The following GNL1 variants were observed in gnomAD, a reference collection of about 807,000 sequenced individuals.
GNL1 encodes the protein G protein nucleolar 1.
A neutral mutation model predicts 75.2 loss-of-function variants in GNL1; 21 were observed. The ratio of observed to expected loss-of-function variants is 0.28; its 90% CI spans 0.20 to 0.40. The LOEUF is 0.40. Ranked by LOEUF, GNL1 falls within the 10% of genes least tolerant of loss-of-function variation. The pLI is 1.00. For missense variants in GNL1, 579 were observed against 775.0 expected (o/e 0.75, Z 3.00); for synonymous variants, 287 against 303.4 (o/e 0.95, Z 0.56).
rs1799296793 is a variant in GNL1 at position 30,543,694 on chromosome 6, A to G, written c.*2378T>C. The G allele has an allele frequency of 6.6e-6, 1 of 152,144 alleles. No individual in the cohort carries two copies. The highest frequency in any genetic ancestry group is 1.5e-5 in the Non-Finnish European group (1 of 68,032). The allele number at this position is 152,144 out of a possible 1,614,324, so 9.4% of individuals were successfully genotyped here. On this transcript the variant is annotated 3_prime_UTR_variant, in exon 12 of 12. Transcript: ENST00000376621. Reference sequence around the variant, plus strand: ...GAACTCAGGGATATATGTCTGGCATATATTGTTTTTAACCAATTTTTGTTG... The same window carrying G: ...GAACTCAGGGATATATGTCTGGCATGTATTGTTTTTAACCAATTTTTGTTG...
At chr6:30,553,632 CA>C in intron 5 of GNL1, 75 bp from the exon 6 acceptor site, 1 of 1,003,722 alleles carries the variant, frequency 1.0e-6, no homozygotes, top group Admixed American at 1.7e-5. Flanking sequence ...CCCCACTCAG[CA>C]GGTGTAGCTC....
At position 30,547,817 on chromosome 6, in the gene GNL1, G is replaced by T; in HGVS notation, c.1100-287C>A. 2.1e-6 allele frequency: 1 copy of T among 481,742 alleles called. No homozygotes were observed. Among genetic ancestry groups the T allele is most frequent in the Non-Finnish European group, 3.6e-6 (1 of 274,370 alleles). 29.8% of individuals were successfully genotyped at this position (481,742 alleles called of 1,614,324 possible). ...TTAAATGAGATAACCAATACAACTT[G>T]TGTGGGTCAGTGCCTGCAGTACAGT... On this transcript the variant is annotated intron_variant, in intron 8 of 11. Transcript: ENST00000376621. The surrounding 1 kb of genome is among the most constrained non-coding windows in gnomAD (Gnocchi z 5.5).
Position 30,552,221 on chromosome 6 carries a change from T to A in GNL1, c.1099+246A>T. 1 of 478,640 alleles carries A rather than the reference T, an allele frequency of 2.1e-6. No individual in the cohort carries two copies. The highest frequency in any genetic ancestry group is 3.7e-6 in the Non-Finnish European group (1 of 270,902). 29.6% of individuals were successfully genotyped at this position (478,640 alleles called of 1,614,324 possible). On this transcript the variant is annotated intron_variant, in intron 8 of 11. Coordinates refer to ENST00000376621, the MANE Select transcript of GNL1 (RefSeq NM_005275.5). This position sits in a 1 kb window ranked among gnomAD's most constrained non-coding sequence, Gnocchi z 4.5. ...TCCTTATTTTTAAAATCAAAGTAAC[T>A]AAGACTCAGAGTAGCAAAATCACTT...
chr6:30,556,090 G>A lies in GNL1; in HGVS notation c.73+41C>T, dbSNP rs767711556. ...GCACACCCCTCCTTCCAGATGTGCG[G>A]AAGCCCGAGCCCCGCCCCCTCCTCC... is the stretch of plus-strand genomic sequence containing the variant. On this transcript the variant is annotated intron_variant, in intron 1 of 11. Coordinates refer to ENST00000376621, the MANE Select transcript of GNL1 (RefSeq NM_005275.5). This position sits in a 1 kb window ranked among gnomAD's most constrained non-coding sequence, Gnocchi z 5.7. 3 of 1,593,202 alleles carry A rather than the reference G, an allele frequency of 1.9e-6. No individual in the cohort carries two copies. The highest frequency in any genetic ancestry group is 3.3e-5 in the Admixed American group (2 of 59,976).
chr6:30,554,186 G>A (rs1449508987), intron 5 of GNL1, among the ~76,000 whole-genome samples: 2 of 152,190 alleles, frequency 1.3e-5, no homozygotes, highest in Non-Finnish European at 2.9e-5. Context: ...TACTACTCTA[G>A]CATTCCAGGT....
chr6:30,547,371 A>T lies in GNL1; in HGVS notation c.1259T>A (p.Leu420His). 1 of 1,609,810 alleles carries T rather than the reference A, an allele frequency of 6.2e-7. No individual in the cohort carries two copies. The highest frequency in any genetic ancestry group is 8.5e-7 in the Non-Finnish European group (1 of 1,178,178). The stretch of plus-strand genomic sequence containing the variant: ...TCATACCTGCAACTGCCTAGGCAGA[A>T]GAGATGGGAAGATGAGGCCTGGGCA... Reference protein sequence around the residue: ...CDCPGLIFPSLLPRQLQVLAG... With the variant: ...CDCPGLIFPSHLPRQLQVLAG... Residue 420 changes from leucine to histidine, a missense_variant, in exon 9 of 12, where the codon CTT becomes CAT. Physicochemically the swap from Leu to His is moderately conservative, Grantham distance 99. Coordinates refer to ENST00000376621, the MANE Select transcript of GNL1 (RefSeq NM_005275.5). The surrounding 1 kb of genome is among the most constrained non-coding windows in gnomAD (Gnocchi z 5.5).
rs1582497243 is a variant in GNL1 at position 30,548,036 on chromosome 6, C to T, written c.1100-506G>A. ...ACTAAAAATACAAAAATTAGCTGGG[C>T]GTGGTGGTGGGCGCCTGTAATTGCA... On this transcript the variant is annotated intron_variant, in intron 8 of 11. Transcript: ENST00000376621. The surrounding 1 kb of genome is among the most constrained non-coding windows in gnomAD (Gnocchi z 4.2). Among the ~76,000 whole-genome samples, 4 of 151,970 alleles carry T rather than the reference C, an allele frequency of 2.6e-5. No individual in the cohort carries two copies. The highest frequency in any genetic ancestry group is 1.9e-4 in the East Asian group (1 of 5,194).
Position 30,546,310 on chromosome 6 carries a change from G to T in GNL1, c.1586C>A (p.Thr529Asn). 1.3e-6 allele frequency: 2 copies of T among 1,590,992 alleles called. No homozygotes were observed. The highest frequency in any genetic ancestry group is 1.7e-6 in the Non-Finnish European group (2 of 1,169,106). ...HPPGYSEQKGTWESHPETTEL... is the reference protein window; with the variant it reads ...HPPGYSEQKGNWESHPETTEL... ...CGTGGTCTCTGGATGGGACTCCCAG[G>T]TGCCTGGGGAACCAAAACAAGAAAA... The change falls in exon 12 of 12, where the codon ACC (threonine) becomes AAC (asparagine). Residue 529 changes from threonine (T) to asparagine (N), a missense_variant. Transcript: ENST00000376621. The surrounding 1 kb of genome is among the most constrained non-coding windows in gnomAD (Gnocchi z 5.1).
Position 30,556,469 on chromosome 6 carries a change from G to A in GNL1, c.-266C>T, listed in dbSNP as rs558320070. ...ACGTGAGAGCCAGTGGCACCGAGAGGGCGCCCCGGCGGCGAGGAAGGAGGC... is the reference window on the plus strand; with the variant it reads ...ACGTGAGAGCCAGTGGCACCGAGAGAGCGCCCCGGCGGCGAGGAAGGAGGC... On this transcript the variant is annotated 5_prime_UTR_variant, in exon 1 of 12. Transcript: ENST00000376621. The surrounding 1 kb of genome is among the most constrained non-coding windows in gnomAD (Gnocchi z 5.7). The A allele has an allele frequency of 2.0e-5, 11 of 559,138 alleles. No individual in the cohort carries two copies. The highest frequency in any genetic ancestry group is 1.4e-4 in the South Asian group (7 of 49,660). The allele number at this position is 559,138 out of a possible 1,614,324, so 34.6% of individuals were successfully genotyped here. A position where few individuals can be genotyped will look rare whatever the true frequency, so the allele number is the denominator to read the frequency against.
At position 30,556,245 on chromosome 6, in the gene GNL1, G is replaced by C. The variant is rs551910959; in HGVS notation, c.-42C>G. On this transcript the variant is annotated 5_prime_UTR_variant, in exon 1 of 12. Coordinates refer to ENST00000376621, the MANE Select transcript of GNL1 (RefSeq NM_005275.5). This position sits in a 1 kb window ranked among gnomAD's most constrained non-coding sequence, Gnocchi z 5.7. Reference sequence around the variant, plus strand: ...CTGGCCCGCCCTCCGCCGAGCTCCCGCCGCCTCAACTGACTGCCCCCCGGG... The same window carrying C: ...CTGGCCCGCCCTCCGCCGAGCTCCCCCCGCCTCAACTGACTGCCCCCCGGG... 2 of 1,595,100 alleles carry C rather than the reference G, an allele frequency of 1.3e-6. No individual in the cohort carries two copies. The highest frequency in any genetic ancestry group is 2.2e-5 in the East Asian group (1 of 44,654).
rs1279774147 is a variant in GNL1, at chr6:30,548,741, A to C, written c.1100-1211T>G. Among the ~76,000 whole-genome samples, 1 of 152,196 alleles carries C rather than the reference A, an allele frequency of 6.6e-6. No individual in the cohort carries two copies. Among genetic ancestry groups the C allele is most frequent in the Non-Finnish European group, 1.5e-5 (1 of 68,044 alleles). ...CCACTGTGCTCACTCTTTACAACAC[A>C]TGCAAGTATCTAGGAGGAAGGGAGG... is the stretch of plus-strand genomic sequence containing the variant. On this transcript the variant is annotated intron_variant, in intron 8 of 11. Transcript: ENST00000376621. The surrounding 1 kb of genome is among the most constrained non-coding windows in gnomAD (Gnocchi z 4.2).
rs1799273721 is a variant in GNL1, at chr6:30,543,315, A to G, written c.*2757T>C. ...TATGGAGCCACCACTACCCCACAGG[A>G]TCCTGTACCACCCTTCTCCCAGAAC... On this transcript the variant is annotated 3_prime_UTR_variant, in exon 12 of 12. Transcript: ENST00000376621. The G allele has an allele frequency of 6.6e-6, 1 of 152,158 alleles. No individual in the cohort carries two copies. The highest frequency in any genetic ancestry group is 1.5e-5 in the Non-Finnish European group (1 of 68,002). The allele number at this position is 152,158 out of a possible 1,614,324, so 9.4% of individuals were successfully genotyped here. A position where few individuals can be genotyped will look rare whatever the true frequency, so the allele number is the denominator to read the frequency against.
Position 30,544,033 on chromosome 6 carries a change from T to C in GNL1, c.*2039A>G, listed in dbSNP as rs1799316543. ...GAGACTGGGCCCTTGGTTTCCTGTG[T>C]CTTTGTAGTCAGTTCTAACCTCAGC... On this transcript the variant is annotated 3_prime_UTR_variant, in exon 12 of 12. Transcript: ENST00000376621. 6.6e-6 allele frequency: 1 copy of C among 152,236 alleles called. No individual in the cohort carries two copies. The allele number at this position is 152,236 out of a possible 1,614,324, so 9.4% of individuals were successfully genotyped here. A position where few individuals can be genotyped will look rare whatever the true frequency, so the allele number is the denominator to read the frequency against.
At position 30,556,058 on chromosome 6, in the gene GNL1, G is replaced by A; in HGVS notation, c.73+73C>T. 2 of 1,557,654 alleles carry A rather than the reference G, an allele frequency of 1.3e-6. No individual in the cohort carries two copies. Among genetic ancestry groups the A allele is most frequent in the Non-Finnish European group, 1.7e-6 (2 of 1,143,044 alleles). The stretch of plus-strand genomic sequence containing the variant: ...ACCCCCTCCCACGATCCCCAGAGGT[G>A]CAGCGGGCACACCCCTCCTTCCAGA... On this transcript the variant is annotated intron_variant, in intron 1 of 11. Transcript: ENST00000376621. The surrounding 1 kb of genome is among the most constrained non-coding windows in gnomAD (Gnocchi z 5.7).
In GNL1 at chr6:30,547,504, G is replaced by A. The variant is rs1799527302; in HGVS notation, c.1126C>T (p.Leu376=). The A allele has an allele frequency of 6.2e-7, 1 of 1,612,548 alleles. No homozygotes were observed. The highest frequency in any genetic ancestry group is 8.5e-7 in the Non-Finnish European group (1 of 1,179,566). ...VGFPNVGKSS[L]INGLVGRKVV... is the part of the protein sequence containing the mutation. Reference sequence around the variant, plus strand: ...TTCCGCCCCACCAGCCCATTGATCAGCGAGGACTTTCCCACATTAGGGAAA... The same window carrying A: ...TTCCGCCCCACCAGCCCATTGATCAACGAGGACTTTCCCACATTAGGGAAA... The change falls in exon 9 of 12, where the codon CTG becomes TTG. Residue 376 remains leucine, a synonymous_variant. Transcript: ENST00000376621. The surrounding 1 kb of genome is among the most constrained non-coding windows in gnomAD (Gnocchi z 5.5).
chr6:30,546,314 C>A lies in GNL1; in HGVS notation c.1583-1G>T. On this transcript the variant is annotated splice_acceptor_variant, in intron 11 of 11. Coordinates refer to ENST00000376621, the MANE Select transcript of GNL1 (RefSeq NM_005275.5). LOFTEE classifies it high-confidence loss of function. This position sits in a 1 kb window ranked among gnomAD's most constrained non-coding sequence, Gnocchi z 5.1. ...GTCTCTGGATGGGACTCCCAGGTGC[C>A]TGGGGAACCAAAACAAGAAAAAAAT... 1 of 1,588,666 alleles carries A rather than the reference C, an allele frequency of 6.3e-7. No homozygotes were observed.
In GNL1 at chr6:30,556,379, G is replaced by A. The variant is rs1800197082; in HGVS notation, c.-176C>T. 4 of 669,566 alleles carry A rather than the reference G, an allele frequency of 6.0e-6. No homozygotes were observed. Among genetic ancestry groups the A allele is most frequent in the Non-Finnish European group, 1.0e-5 (4 of 389,714 alleles). The allele number at this position is 669,566 out of a possible 1,614,324, so 41.5% of individuals were successfully genotyped here. A position where few individuals can be genotyped will look rare whatever the true frequency, so the allele number is the denominator to read the frequency against. On this transcript the variant is annotated 5_prime_UTR_variant, in exon 1 of 12. Transcript: ENST00000376621. This position sits in a 1 kb window ranked among gnomAD's most constrained non-coding sequence, Gnocchi z 5.7. ...GCCGCGGCGGCGATGGAAGGCGGACGGGGGAGATATAGTCACTTCCCTCCA... is the reference window on the plus strand; with the variant it reads ...GCCGCGGCGGCGATGGAAGGCGGACAGGGGAGATATAGTCACTTCCCTCCA...
Position 30,555,933 on chromosome 6 carries a change from T to C in GNL1, c.73+198A>G. The C allele has an allele frequency of 3.7e-6, 3 of 804,498 alleles. No homozygotes were observed. The highest frequency in any genetic ancestry group is 5.9e-6 in the Non-Finnish European group (3 of 507,056). 49.8% of individuals were successfully genotyped at this position (804,498 alleles called of 1,614,324 possible). A position where few individuals can be genotyped will look rare whatever the true frequency, so the allele number is the denominator to read the frequency against. On this transcript the variant is annotated intron_variant, in intron 1 of 11. Coordinates refer to ENST00000376621, the MANE Select transcript of GNL1 (RefSeq NM_005275.5). This position sits in a 1 kb window ranked among gnomAD's most constrained non-coding sequence, Gnocchi z 4.3. ...GGCGCCCCGTGCTAGCTGGAGGGAT[T>C]CCCCTCCCCCAACTCTCCATCCTTC...
chr6:30,553,234 C>T, intron 6 of GNL1, 55 bp from the exon 7 acceptor site: 17 of 1,460,154 alleles, frequency 1.2e-5, no homozygotes, highest in Non-Finnish European at 1.6e-5. Flanking sequence ...TCTCATCTCT[C>T]CCACCACCCT....
Sources: allele counts gnomAD v4.1 joint callset (sites outside exome capture counted in the v4.1 genomes callset), GRCh38; gene constraint gnomAD v4.1.1; non-coding constraint Gnocchi (gnomAD v3.1); transcripts MANE v1.5; gene names NCBI Gene and HGNC (gene_info 2026-07-23, HGNC 2026-07-21).